Variants in EPHA5 observed in about 807,000 individuals in gnomAD.
EPHA5 encodes ephrin type-A receptor 5.
EPHA5 carries 60 observed loss-of-function variants against 105.0 expected under a neutral mutation model. That is an observed-to-expected ratio of 0.57 (90% confidence interval 0.46 to 0.71). EPHA5 has a LOEUF of 0.71. EPHA5 is among the 30% of genes least tolerant of loss of function. EPHA5 has a pLI of 0.00. For missense variants in EPHA5, 1,218 were observed against 1,274.7 expected (o/e 0.96, Z 0.68); for synonymous variants, 513 against 449.1 (o/e 1.14, Z -1.80).
At chr4:65,551,029 T>C (rs1737845347) in intron 3 of EPHA5, among the ~76,000 whole-genome samples, 1 of 151,952 alleles carries the variant, frequency 6.6e-6, no homozygotes, top group South Asian at 2.1e-4. Context: ...CATACATATA[T>C]GTCTATTTAC....
chr4:65,411,485 T>C (rs898377872), intron 7 of EPHA5, among the ~76,000 whole-genome samples: 3 of 152,094 alleles, frequency 2.0e-5, no homozygotes, highest in African/African-American at 7.2e-5. Flanking sequence ...TTTTAAAAAG[T>C]ATACTCAGGG....
intron 3 of EPHA5, among the ~76,000 whole-genome samples, chr4:65,574,674 A>ATT: frequency 7.3e-5 from 1 of 13,750 alleles, no homozygotes; most frequent in East Asian, 4.1e-3. Flanking sequence ...ATACACATAT[A>ATT]TATACATATA....
chr4:65,448,406 G>T (rs954984872), intron 5 of EPHA5, among the ~76,000 whole-genome samples: 2 of 152,148 alleles, frequency 1.3e-5, no homozygotes, highest in Non-Finnish European at 2.9e-5. Flanking sequence ...CCAGCACTTT[G>T]TGAGGCCGAG....
chr4:65,468,599 T>TA (rs1728966035), intron 5 of EPHA5, among the ~76,000 whole-genome samples: 1 of 8,112 alleles, frequency 1.2e-4, no homozygotes, highest in Non-Finnish European at 4.1e-4. Flanking sequence ...ATATAATATA[T>TA]ATATTATATA....
intron 8 of EPHA5, among the ~76,000 whole-genome samples, chr4:65,373,784 A>G (rs1434769002): frequency 2.0e-5 from 3 of 151,928 alleles, no homozygotes; most frequent in Non-Finnish European, 4.4e-5. Context: ...TCTATTTTCA[A>G]AATAGTGACT....
At chr4:65,660,144 A>T (rs1749434015) in intron 1 of EPHA5, among the ~76,000 whole-genome samples, 1 of 152,128 alleles carries the variant, frequency 6.6e-6, no homozygotes, top group Non-Finnish European at 1.5e-5. Context: ...ATATTTGAAC[A>T]TATTTCTTGA....
rs2148798699 is a variant in EPHA5, at chr4:65,332,044, C to A, written c.2874G>T (p.Met958Ile). 1 of 1,611,886 alleles carries A rather than the reference C, an allele frequency of 6.2e-7. No homozygotes were observed. Among genetic ancestry groups the A allele is most frequent in the Non-Finnish European group, 8.5e-7 (1 of 1,178,662 alleles). The change falls in exon 16 of 17, where the codon ATG (methionine) becomes ATT (isoleucine). Residue 958 changes from methionine (M) to isoleucine (I), a missense_variant. By Grantham distance (10) the Met-to-Ile change is conservative. This residue lies in a region of EPHA5 where 971 missense variants were observed against 1,013.5 expected (regional missense o/e 0.96). Coordinates refer to ENST00000613740, the MANE Select transcript of EPHA5 (RefSeq NM_001281766.3). Reference sequence around the variant, plus strand: ...CCATGAAAATCTCTGTATACCGGCCCATCTTGATTGCCTCTAGCCATTCAC... The same window carrying A: ...CCATGAAAATCTCTGTATACCGGCCAATCTTGATTGCCTCTAGCCATTCAC... ...SVGEWLEAIK[M>I]GRYTEIFMEN...
intron 2 of EPHA5, among the ~76,000 whole-genome samples, chr4:65,621,700 C>G (rs1051024218): frequency 2.6e-5 from 4 of 152,020 alleles, no homozygotes; most frequent in Non-Finnish European, 4.4e-5. Flanking sequence ...GACAAAGACA[C>G]GAGTCCAAAT....
chr4:65,510,191 C>G (rs939392420), intron 3 of EPHA5, among the ~76,000 whole-genome samples: 1 of 137,062 alleles, frequency 7.3e-6, no homozygotes, highest in Admixed American at 7.8e-5. Context: ...TATGCCACTA[C>G]GTCTGGCTAA....
chr4:65,668,570 G>T (rs1444953735), intron 1 of EPHA5, among the ~76,000 whole-genome samples: 2 of 152,094 alleles, frequency 1.3e-5, no homozygotes, highest in Admixed American at 6.5e-5. Flanking sequence ...GCTGCTGGAG[G>T]GGACCCAAAG....
At chr4:65,654,241 GA>G (rs35249905) in intron 1 of EPHA5, among the ~76,000 whole-genome samples, 5,236 of 136,058 alleles carry the variant, frequency 0.038, 290 homozygotes, top group African/African-American at 0.13. Context: ...CTTCTTTCTT[GA>G]AAAAAAAAAA....
chr4:65,519,736 GACAA>G (rs1386913219), intron 3 of EPHA5, among the ~76,000 whole-genome samples: 1 of 152,032 alleles, frequency 6.6e-6, no homozygotes, highest in Non-Finnish European at 1.5e-5. Context: ...AGCAATAACA[GACAA>G]ACAGAGAGCA....
At chr4:65,480,161 G>A (rs76984836) in intron 5 of EPHA5, among the ~76,000 whole-genome samples, 1,692 of 152,030 alleles carry the variant, frequency 0.011, 37 homozygotes, top group African/African-American at 0.039. Context: ...GAGGGAGAGA[G>A]GATGAACAAA....
chr4:65,448,212 GA>G (rs990862217), intron 5 of EPHA5, among the ~76,000 whole-genome samples: 3 of 132,954 alleles, frequency 2.3e-5, no homozygotes, highest in Admixed American at 7.4e-5. Flanking sequence ...CATGAGAAAT[GA>G]AAAAAAAATC....
chr4:65,491,508 G>T (rs1200187990), intron 4 of EPHA5, among the ~76,000 whole-genome samples: 1 of 151,846 alleles, frequency 6.6e-6, no homozygotes, highest in Non-Finnish European at 1.5e-5. Context: ...ACCAAAATAA[G>T]AAAAGAAATA....
intron 3 of EPHA5, among the ~76,000 whole-genome samples, chr4:65,571,843 C>T (rs1354138185): frequency 6.6e-6 from 1 of 151,974 alleles, no homozygotes; most frequent in Non-Finnish European, 1.5e-5. Context: ...GGTCCAAAGT[C>T]CAATTACATT....
intron 3 of EPHA5, among the ~76,000 whole-genome samples, chr4:65,562,831 T>C (rs923365695): frequency 1.3e-5 from 2 of 151,946 alleles, no homozygotes; most frequent in Non-Finnish European, 2.9e-5. Flanking sequence ...CCAGGTGTGG[T>C]GGTACATGCC....
At chr4:65,391,947 T>C (rs182264089) in intron 8 of EPHA5, among the ~76,000 whole-genome samples, 5 of 152,290 alleles carry the variant, frequency 3.3e-5, no homozygotes, top group Admixed American at 3.3e-4. Flanking sequence ...TTCTTTCAAA[T>C]GTTTGCCTCA....
At chr4:65,653,701 G>A (rs1748809319) in intron 1 of EPHA5, among the ~76,000 whole-genome samples, 1 of 151,878 alleles carries the variant, frequency 6.6e-6, no homozygotes, top group Non-Finnish European at 1.5e-5. Context: ...TTGGCTATTT[G>A]TCCTTTCTCA....
Sources: gnomAD v4.1 joint callset for allele counts (sites outside exome capture counted in the v4.1 genomes callset) on GRCh38, gnomAD v4.1.1 for gene constraint, gnomAD v4.1.1 regional missense constraint, MANE v1.5 for transcripts, NCBI Gene and HGNC (gene_info 2026-07-23, HGNC 2026-07-21) for gene names.